Variants in REV3L observed in about 807,000 individuals in gnomAD.
The protein encoded by REV3L is DNA polymerase zeta catalytic subunit.
In REV3L, 69 loss-of-function variants were observed where a neutral mutation model predicts 299.4. The observed-to-expected ratio is 0.23, with a 90% CI of 0.19 to 0.28. The LOEUF (loss-of-function observed/expected upper bound fraction) is 0.28, where lower values mean the gene tolerates loss of function less well. Among genes scored for constraint, REV3L ranks in the 10% least tolerant of loss-of-function variants. REV3L has a pLI of 1.00. For synonymous variants in REV3L, 1,238 were observed against 1,271.4 expected, an observed-to-expected ratio of 0.97 and a Z score of 0.56; for missense variants, 3,128 against 3,693.8, an observed-to-expected ratio of 0.85 and a Z score of 3.97.
At position 111,455,060 on chromosome 6, in the gene REV3L, T is replaced by G. The variant is rs554947909; in HGVS notation, c.139+27690A>C. ...ATCTGCCCTCATGAAACGCACACTC[T>G]AAGAGGCAAGTCAGACATGTTAAAA... On this transcript the variant is annotated intron_variant, in intron 1 of 31. Transcript: ENST00000368802. Among the ~76,000 whole-genome samples the G allele has an allele frequency of 4.6e-5, 7 of 152,260 alleles. No individual in the cohort carries two copies. In the East Asian group the frequency reaches 1.2e-3, roughly 25 times the overall value.
chr6:111,421,825 T>G (rs570105461), intron 1 of REV3L, among the ~76,000 whole-genome samples: 1 of 152,272 alleles, frequency 6.6e-6, no homozygotes, highest in South Asian at 2.1e-4. Context: ...TTTACAAAAA[T>G]TTTCATATTT....
intron 1 of REV3L, among the ~76,000 whole-genome samples, chr6:111,475,010 C>T (rs2128340732): frequency 6.6e-6 from 1 of 151,952 alleles, no homozygotes; most frequent in East Asian, 1.9e-4. Context: ...CACACACACA[C>T]ACACACACAC....
Position 111,376,818 on chromosome 6 carries a change from T to C in REV3L, c.1598-61A>G, listed in dbSNP as rs888098001. The C allele has an allele frequency of 2.2e-6, 3 of 1,349,530 alleles. No homozygotes were observed. In the African/African-American group the frequency reaches 4.4e-5, roughly 20 times the overall value. 83.6% of individuals were successfully genotyped at this position (1,349,530 alleles called of 1,614,324 possible). A position where few individuals can be genotyped will look rare whatever the true frequency, so the allele number is the denominator to read the frequency against. ...TACTCTTTTAATTTTTAAGACATTT[T>C]CCCACACCAAGATATTAATGCTATC... On this transcript the variant is annotated intron_variant, in intron 12 of 31. Transcript: ENST00000368802.
chr6:111,313,871 T>C (rs997662727), intron 27 of REV3L, among the ~76,000 whole-genome samples: 5 of 152,368 alleles, frequency 3.3e-5, no homozygotes, highest in South Asian at 2.1e-4. Context: ...TGCAGAATGA[T>C]TGCAGCCCCA....
At position 111,311,199 on chromosome 6, in the gene REV3L, A is replaced by G. The variant is rs575571274; in HGVS notation, c.8665T>C (p.Tyr2889His). ...ETRDISLIKQYVQRQCMKLLE... is the reference protein window; with the variant it reads ...ETRDISLIKQHVQRQCMKLLE... ...AGCTTCATACATTGTCGCTGAACAT[A>G]CTGTTTAATTAGACTTATATCTCTC... Residue 2889 changes from tyrosine to histidine, a missense_variant, in exon 29 of 32, where the codon TAT becomes CAT. Physicochemically the swap from Tyr to His is moderately conservative, Grantham distance 83 (BLOSUM62 2). Around this residue, in one of 9 missense-constraint regions of REV3L, gnomAD observed 294 missense variants for 377.0 expected, o/e 0.78. Transcript: ENST00000368802. The G allele has an allele frequency of 1.2e-6, 2 of 1,613,854 alleles. No individual in the cohort carries two copies. The highest frequency in any genetic ancestry group is 2.2e-5 in the East Asian group (1 of 44,876).
At chr6:111,331,059 A>T (rs1481208496) in intron 24 of REV3L, 1 of 970,154 alleles carries the variant, frequency 1.0e-6, no homozygotes, top group African/African-American at 1.8e-5. Flanking sequence ...ACTCACTGCT[A>T]AGAAAATAGA....
chr6:111,348,267 A>G (rs1421306902), intron 20 of REV3L, among the ~76,000 whole-genome samples: 1 of 152,256 alleles, frequency 6.6e-6, no homozygotes, highest in East Asian at 1.9e-4. Context: ...TACATTTCAA[A>G]TAAGAGAAAT....
chr6:111,317,989 T>C (rs2114758222), intron 26 of REV3L, among the ~76,000 whole-genome samples: 1 of 152,344 alleles, frequency 6.6e-6, no homozygotes, highest in East Asian at 1.9e-4. Flanking sequence ...CACTCACTGA[T>C]AGACGTTTAG....
chr6:111,447,045 A>G (rs567298703), intron 1 of REV3L, among the ~76,000 whole-genome samples: 18 of 152,294 alleles, frequency 1.2e-4, no homozygotes, highest in African/African-American at 3.8e-4. Flanking sequence ...GTATTTCCTG[A>G]GCTTCGGTGT....
rs201909396 is a variant in REV3L at position 111,374,915 on chromosome 6, G to A, written c.3440C>T (p.Ala1147Val). Residue 1147 changes from alanine (A) to valine (V), a missense_variant, in exon 13 of 32, where the codon GCA becomes GTA. Physicochemically the swap from Ala to Val is moderately conservative, Grantham distance 64 (BLOSUM62 0). Coordinates refer to ENST00000368802, the MANE Select transcript of REV3L (RefSeq NM_001372078.1). ...EEIMAAAEKE[A>V]MLFKGPNVYK... ...TACATTAGGACCCTTAAAAAGCATTGCCTCTTTTTCTGCAGCAGCCATGAT... is the reference window on the plus strand; with the variant it reads ...TACATTAGGACCCTTAAAAAGCATTACCTCTTTTTCTGCAGCAGCCATGAT... The A allele has an allele frequency of 6.2e-7, 1 of 1,612,892 alleles. No individual in the cohort carries two copies. Among genetic ancestry groups the A allele is most frequent in the Admixed American group, 1.7e-5 (1 of 59,802 alleles).
Position 111,335,510 on chromosome 6 carries a change from A to G in REV3L, c.7639T>C (p.Phe2547Leu). 3 of 1,613,546 alleles carry G rather than the reference A, an allele frequency of 1.9e-6. No homozygotes were observed. The highest frequency in any genetic ancestry group is 2.5e-6 in the Non-Finnish European group (3 of 1,179,688). ...IGKTSEMARL[F>L]GIQFLHVLTR... Reference sequence around the variant, plus strand: ...AGTACATGTAAAAACTGAATGCCAAAAAGTCTAGCCATCTCACTGGTTTTC... The same window carrying G: ...AGTACATGTAAAAACTGAATGCCAAGAAGTCTAGCCATCTCACTGGTTTTC... Residue 2547 changes from phenylalanine (F) to leucine (L), a missense_variant, in exon 22 of 32, where the codon TTT becomes CTT. This residue lies in a region of REV3L where 149 missense variants were observed against 286.4 expected (regional missense o/e 0.52). Coordinates refer to ENST00000368802, the MANE Select transcript of REV3L (RefSeq NM_001372078.1).
chr6:111,431,747 A>G (rs1417750138), intron 1 of REV3L: 2 of 811,198 alleles, frequency 2.5e-6, no homozygotes, highest in Non-Finnish European at 4.3e-6. Flanking sequence ...GAACCTAAAA[A>G]GACGAATGTT....
chr6:111,347,097 G>A (rs1048202372), intron 20 of REV3L, among the ~76,000 whole-genome samples: 72 of 151,890 alleles, frequency 4.7e-4, no homozygotes, highest in African/African-American at 1.6e-3. Context: ...AGGAAAAACC[G>A]TGTCTCTACT....
At chr6:111,398,335 A>G (rs1457138739) in intron 4 of REV3L, among the ~76,000 whole-genome samples, 1 of 152,056 alleles carries the variant, frequency 6.6e-6, no homozygotes, top group Non-Finnish European at 1.5e-5. Flanking sequence ...CAGTTGAAAA[A>G]TGAGGATGTT....
chr6:111,352,164 G>A (rs1049388193), intron 18 of REV3L, among the ~76,000 whole-genome samples: 4 of 151,766 alleles, frequency 2.6e-5, no homozygotes, highest in Non-Finnish European at 5.9e-5. Flanking sequence ...CCCACACCAC[G>A]CCCGGCTAAT....
intron 18 of REV3L, among the ~76,000 whole-genome samples, chr6:111,352,395 A>G (rs922959183): frequency 6.6e-6 from 1 of 152,198 alleles, no homozygotes; most frequent in Non-Finnish European, 1.5e-5. Flanking sequence ...AAGGCAGGCC[A>G]TTACCACTGA....
At chr6:111,430,913 C>T in intron 1 of REV3L, 1 of 1,603,968 alleles carries the variant, frequency 6.2e-7, no homozygotes, top group Non-Finnish European at 8.5e-7. Context: ...TGTAGGAGAG[C>T]CAGGCTACTG....
chr6:111,322,431 T>C (rs1774286228), intron 26 of REV3L, 138 bp downstream of exon 26: 2 of 666,460 alleles, frequency 3.0e-6, no homozygotes, highest in East Asian at 5.2e-5. Context: ...GTGTTAACTC[T>C]GATCATGAGA....
At chr6:111,437,637 AG>A (rs1233390080) in intron 1 of REV3L, among the ~76,000 whole-genome samples, 1 of 152,088 alleles carries the variant, frequency 6.6e-6, no homozygotes, top group Non-Finnish European at 1.5e-5. Flanking sequence ...TGTCCAAAAT[AG>A]GCAAATTTAT....
Sources: gnomAD v4.1 joint callset for allele counts (sites outside exome capture counted in the v4.1 genomes callset) on GRCh38, gnomAD v4.1.1 for gene constraint, gnomAD v4.1.1 regional missense constraint, MANE v1.5 for transcripts, NCBI Gene and HGNC (gene_info 2026-07-23, HGNC 2026-07-21) for gene names.